The following PDK2 variants were observed in gnomAD, a reference collection of about 807,000 sequenced individuals.
The protein encoded by PDK2 is pyruvate dehydrogenase kinase 2, also known as pyruvate dehydrogenase kinase, isozyme 2.
In PDK2, 34 loss-of-function variants were observed where a neutral mutation model predicts 50.4. That is an observed-to-expected ratio of 0.68 (90% CI 0.51 to 0.90). The LOEUF (loss-of-function observed/expected upper bound fraction) is 0.90, where lower values mean the gene tolerates loss of function less well. Ranked by LOEUF, PDK2 falls within the 40% of genes least tolerant of loss-of-function variation. The pLI, the probability that PDK2 is intolerant of heterozygous loss-of-function variation, is 0.00. For missense variants in PDK2, 377 were observed against 544.5 expected, an observed-to-expected ratio of 0.69 and a Z score of 3.06; for synonymous variants, 232 against 216.0, an observed-to-expected ratio of 1.07 and a Z score of -0.65.
At chr17:50,097,651 C>A in intron 2 of PDK2, 87 bp downstream of exon 2, 1 of 1,513,946 alleles carries the variant, frequency 6.6e-7, no homozygotes, top group Non-Finnish European at 9.0e-7. Context: ...CTTTTAGCAG[C>A]TTTGAGGGTG....
chr17:50,110,020 C>A lies in PDK2; in HGVS notation c.1147C>A (p.Gln383Lys). ...CAACAAGTCAGCCTGGCGCCACTAC[C>A]AGACCATCCAGGAGGCCGGCGACTG... ...VYNKSAWRHY[Q>K]TIQEAGDWCV... The change falls in exon 11 of 11, where the codon CAG (glutamine) becomes AAG (lysine). Residue 383 changes from glutamine to lysine, a missense_variant. This residue lies in a region of PDK2 where 214 missense variants were observed against 294.0 expected (regional missense o/e 0.73). Coordinates refer to ENST00000503176, the MANE Select transcript of PDK2 (RefSeq NM_002611.5). 6.2e-7 allele frequency: 1 copy of A among 1,607,368 alleles called. No homozygotes were observed. Among genetic ancestry groups the A allele is most frequent in the East Asian group, 2.2e-5 (1 of 44,640 alleles).
rs200884742 is a variant in PDK2 at position 50,106,780 on chromosome 17, C to T, written c.518-14C>T. 3.7e-6 allele frequency: 6 copies of T among 1,612,238 alleles called. No individual in the cohort carries two copies. In the African/African-American group the frequency reaches 8.0e-5, roughly 21 times the overall value. ...TGCAGCCCAGCCAACAGCATCCTCC[C>T]TTCCTGCCTGCAGCCCTCATCTTTG... On this transcript the variant is annotated splice_polypyrimidine_tract_variant and intron_variant, in intron 4 of 10. Transcript: ENST00000503176.
In PDK2 at chr17:50,108,373, A is replaced by G; in HGVS notation, c.817A>G (p.Ile273Val). The stretch of plus-strand genomic sequence containing the variant: ...TGAGTCCAGCCTCATTCTCCCACCC[A>G]TCAAGGTCATGGTGGCCTTGGGTGA... The part of the protein sequence containing the change: ...SHESSLILPP[I>V]KVMVALGEED... The change falls in exon 8 of 11, where the codon ATC becomes GTC. Residue 273 changes from isoleucine to valine, a missense_variant. Coordinates refer to ENST00000503176, the MANE Select transcript of PDK2 (RefSeq NM_002611.5). 5.0e-6 allele frequency: 8 copies of G among 1,614,038 alleles called. No individual in the cohort carries two copies. The highest frequency in any genetic ancestry group is 5.9e-6 in the Non-Finnish European group (7 of 1,179,912).
intron 1 of PDK2, among the ~76,000 whole-genome samples, chr17:50,096,453 G>C (rs1001288873): frequency 2.0e-5 from 3 of 152,184 alleles, no homozygotes; most frequent in Non-Finnish European, 2.9e-5. Flanking sequence ...CAAGAGTTGA[G>C]TTGATAGTGC....
chr17:50,105,543 C>A (rs544637875), intron 3 of PDK2, 101 bp downstream of exon 3: 249 of 958,284 alleles, frequency 2.6e-4, no homozygotes, highest in Admixed American at 7.8e-4. Context: ...GAAGAAAAGA[C>A]CCCTGCCTTC....
chr17:50,106,106 G>A (rs559704676), intron 4 of PDK2, 37 bp downstream of exon 4: 13 of 1,561,252 alleles, frequency 8.3e-6, no homozygotes, highest in East Asian at 7.1e-5. Context: ...GCGGGCGGTG[G>A]GGGGGGCGGT....
intron 1 of PDK2, chr17:50,096,239 G>A: frequency 1.0e-6 from 1 of 985,518 alleles, no homozygotes; most frequent in Non-Finnish European, 1.2e-6. Flanking sequence ...GCACCGTGAT[G>A]TGGAGTCAAG....
chr17:50,095,378 A>G lies in PDK2; in HGVS notation c.-58A>G. 1 of 1,309,406 alleles carries G rather than the reference A, an allele frequency of 7.6e-7. No individual in the cohort carries two copies. The highest frequency in any genetic ancestry group is 1.1e-6 in the Non-Finnish European group (1 of 927,112). 81.1% of individuals were successfully genotyped at this position (1,309,406 alleles called of 1,614,324 possible). The stretch of plus-strand genomic sequence containing the variant: ...CGGCCGAACCGCGTCGCTGGGCCGA[A>G]AGGTGCGCGAGCGCTGCCCGCGCGG... On this transcript the variant is annotated 5_prime_UTR_variant, in exon 1 of 11. Coordinates refer to ENST00000503176, the MANE Select transcript of PDK2 (RefSeq NM_002611.5).
chr17:50,108,198 C>T lies in PDK2; in HGVS notation c.728C>T (p.Ser243Phe), dbSNP rs907526981. The T allele has an allele frequency of 5.0e-6, 8 of 1,598,678 alleles. No homozygotes were observed. The highest frequency in any genetic ancestry group is 6.8e-6 in the Non-Finnish European group (8 of 1,171,428). The part of the protein sequence containing the change: ...KQPIHMVYVP[S>F]HLYHMLFELF... ...CCGATTCACATGGTCTACGTCCCCT[C>T]CCACCTCTACCACATGCTCTTTGAG... The change falls in exon 7 of 11, where the codon TCC becomes TTC. Residue 243 changes from serine to phenylalanine, a missense_variant. Coordinates refer to ENST00000503176, the MANE Select transcript of PDK2 (RefSeq NM_002611.5).
Position 50,109,490 on chromosome 17 carries a change from T to TC in PDK2, c.1083+96dup. 2.9e-6 allele frequency: 2 copies of TC among 682,202 alleles called. No individual in the cohort carries two copies. Among genetic ancestry groups the TC allele is most frequent in the Non-Finnish European group, 4.8e-6 (2 of 412,484 alleles). The allele number at this position is 682,202 out of a possible 1,614,324, so 42.3% of individuals were successfully genotyped here. A position where few individuals can be genotyped will look rare whatever the true frequency, so the allele number is the denominator to read the frequency against. ...GGCCAGCTGCGAGCTTTCCTTTCCA[T>TC]CCCCCCAGTCCTTCCCTGGCCCCAG... On this transcript the variant is annotated intron_variant, in intron 10 of 10. Transcript: ENST00000503176. This position sits in a 1 kb window ranked among gnomAD's most constrained non-coding sequence, Gnocchi z 5.0.
intron 2 of PDK2, 65 bp downstream of exon 2, chr17:50,097,629 G>A: frequency 6.3e-7 from 1 of 1,576,594 alleles, no homozygotes; most frequent in Non-Finnish European, 8.6e-7. Context: ...GCTCAGGGAT[G>A]GCATCTCCAA....
chr17:50,107,085 A>T lies in PDK2; in HGVS notation c.617A>T (p.Asp206Val). 6.2e-7 allele frequency: 1 copy of T among 1,614,108 alleles called. No individual in the cohort carries two copies. Among genetic ancestry groups the T allele is most frequent in the Non-Finnish European group, 8.5e-7 (1 of 1,179,986 alleles). Reference sequence around the variant, plus strand: ...CCCCATCTTCTCTCAGATGCCTACGACATGGCTAAGCTCCTGTGTGACAAG... The same window carrying T: ...CCCCATCTTCTCTCAGATGCCTACGTCATGGCTAAGCTCCTGTGTGACAAG... ...NVSEVVKDAY[D>V]MAKLLCDKYY... Residue 206 changes from aspartate to valine, a missense_variant, in exon 6 of 11, where the codon GAC becomes GTC. Physicochemically the swap from Asp to Val is radical, Grantham distance 152. This residue lies in a region of PDK2 where 214 missense variants were observed against 294.0 expected (regional missense o/e 0.73). Transcript: ENST00000503176.
At position 50,101,219 on chromosome 17, in the gene PDK2, G is replaced by C. The variant is rs1910209959; in HGVS notation, c.260+3655G>C. Among the ~76,000 whole-genome samples, 1 of 152,136 alleles carries C rather than the reference G, an allele frequency of 6.6e-6. No homozygotes were observed. The highest frequency in any genetic ancestry group is 2.4e-5 in the African/African-American group (1 of 41,406). ...GGACCCCATACAGGGGGTGTGGCTT[G>C]GGTGCCCAGGACCTGCTAAAGCCAC... On this transcript the variant is annotated intron_variant, in intron 2 of 10. Transcript: ENST00000503176. This position sits in a 1 kb window ranked among gnomAD's most constrained non-coding sequence, Gnocchi z 4.2.
At chr17:50,097,973 C>A (rs1304592538) in intron 2 of PDK2, among the ~76,000 whole-genome samples, 1 of 152,182 alleles carries the variant, frequency 6.6e-6, no homozygotes, top group African/African-American at 2.4e-5. Context: ...TTTTCAAATA[C>A]ATTATATAAC....
At chr17:50,103,766 C>T (rs1222541973) in intron 2 of PDK2, among the ~76,000 whole-genome samples, 1 of 152,132 alleles carries the variant, frequency 6.6e-6, no homozygotes, top group Admixed American at 6.5e-5. Flanking sequence ...TGAACAGAAG[C>T]GTGGAGGTGA....
In PDK2 at chr17:50,109,957, G is replaced by T; in HGVS notation, c.1084G>T (p.Ala362Ser). 1 of 1,558,596 alleles carries T rather than the reference G, an allele frequency of 6.4e-7. No individual in the cohort carries two copies. The highest frequency in any genetic ancestry group is 8.7e-7 in the Non-Finnish European group (1 of 1,149,964). The change falls in exon 11 of 11, where the codon GCC (alanine) becomes TCC (serine). Residue 362 changes from alanine (A) to serine (S), a missense_variant and splice_region_variant. This residue lies in a region of PDK2 where 214 missense variants were observed against 294.0 expected (regional missense o/e 0.73). Coordinates refer to ENST00000503176, the MANE Select transcript of PDK2 (RefSeq NM_002611.5). The surrounding 1 kb of genome is among the most constrained non-coding windows in gnomAD (Gnocchi z 5.0). Reference sequence around the variant, plus strand: ...AGGGGCTGACCCTGACACTCCCCAGGCCCTGTCCACGGACTCGGTGGAGCG... The same window carrying T: ...AGGGGCTGACCCTGACACTCCCCAGTCCCTGTCCACGGACTCGGTGGAGCG... Reference protein sequence around the residue: ...FGTDAVIYLKALSTDSVERLP... With the variant: ...FGTDAVIYLKSLSTDSVERLP...
chr17:50,109,152 C>T lies in PDK2; in HGVS notation c.970-135C>T. 2 of 604,048 alleles carry T rather than the reference C, an allele frequency of 3.3e-6. No homozygotes were observed. The highest frequency in any genetic ancestry group is 5.9e-6 in the Non-Finnish European group (2 of 339,646). 37.4% of individuals were successfully genotyped at this position (604,048 alleles called of 1,614,324 possible). A position where few individuals can be genotyped will look rare whatever the true frequency, so the allele number is the denominator to read the frequency against. On this transcript the variant is annotated intron_variant, in intron 9 of 10. Coordinates refer to ENST00000503176, the MANE Select transcript of PDK2 (RefSeq NM_002611.5). This position sits in a 1 kb window ranked among gnomAD's most constrained non-coding sequence, Gnocchi z 5.0. ...CTTCTTACCTCAGTGTCCCCTCCCA[C>T]ATGTCCCCTCCCAGCTCTGGGACCC...
At chr17:50,107,036 G>T (rs762730102) in intron 5 of PDK2, 40 bp from the exon 6 acceptor site, 1 of 1,580,010 alleles carries the variant, frequency 6.3e-7, no homozygotes, top group Non-Finnish European at 8.7e-7. Context: ...TGCCTGCTGG[G>T]TGGGCCACCC....
At chr17:50,095,754 G>T in intron 1 of PDK2, 1 of 1,407,848 alleles carries the variant, frequency 7.1e-7, no homozygotes, top group Non-Finnish European at 9.3e-7. Flanking sequence ...GGAATGGGGG[G>T]CATTTACAAG....
Sources: allele counts gnomAD v4.1 joint callset (sites outside exome capture counted in the v4.1 genomes callset), GRCh38; gene constraint gnomAD v4.1.1; regional missense constraint gnomAD v4.1.1; non-coding constraint Gnocchi (gnomAD v3.1); transcripts MANE v1.5; gene names NCBI Gene and HGNC (gene_info 2026-07-23, HGNC 2026-07-21).